DENND2D: variants seen among roughly 807,000 people sequenced by gnomAD.
The protein encoded by DENND2D is DENN domain-containing protein 2D.
A neutral mutation model predicts 59.8 loss-of-function variants in DENND2D; 37 were observed. The ratio of observed to expected loss-of-function variants is 0.62; its 90% CI spans 0.48 to 0.81. DENND2D has a LOEUF of 0.81. DENND2D is among the 40% of genes least tolerant of loss of function. The pLI, the probability that DENND2D is intolerant of heterozygous loss-of-function variation, is 0.00. For missense variants in DENND2D, 525 were observed against 579.7 expected (o/e 0.91, Z 0.97); for synonymous variants, 219 against 211.3 (o/e 1.04, Z -0.31).
At chr1:111,199,880 C>T in intron 1 of DENND2D, 82 bp from the exon 2 acceptor site, 1 of 1,530,012 alleles carries the variant, frequency 6.5e-7, no homozygotes, top group Non-Finnish European at 8.8e-7. Context: ...GGGTGACCTC[C>T]ACACCTCAAG....
At chr1:111,189,890 C>G (rs1657572687) in intron 8 of DENND2D, among the ~76,000 whole-genome samples, 1 of 152,188 alleles carries the variant, frequency 6.6e-6, no homozygotes, top group Admixed American at 6.5e-5. Context: ...TCCTGCCTCT[C>G]GTGGTGGCTC....
chr1:111,204,251 C>G, upstream of DENND2D: 1 of 1,450,224 alleles, frequency 6.9e-7, no homozygotes, highest in South Asian at 1.4e-5. Flanking sequence ...CCCGGCTCCC[C>G]GGTGCCCACG....
chr1:111,187,830 A>G, intron 11 of DENND2D, 149 bp from the exon 12 acceptor site: 1 of 766,496 alleles, frequency 1.3e-6, no homozygotes, highest in Non-Finnish European at 2.1e-6. Context: ...CTGGAGATCC[A>G]GACATTCAGT....
upstream of DENND2D, chr1:111,200,819 G>A (rs1437143791): frequency 1.3e-6 from 1 of 749,502 alleles, no homozygotes; most frequent in Non-Finnish European, 1.8e-6. Context: ...TGGGCTAAGG[G>A]TTTTGAATCT....
Position 111,198,688 on chromosome 1 carries a change from T to G in DENND2D, c.298A>C (p.Ile100Leu). The change falls in exon 3 of 12, where the codon ATC (isoleucine) becomes CTC (leucine). Residue 100 changes from isoleucine (I) to leucine (L), a missense_variant. Physicochemically the swap from Ile to Leu is conservative, Grantham distance 5. Around this residue, in one of 3 missense-constraint regions of DENND2D, gnomAD observed 253 missense variants for 246.4 expected, o/e 1.03. Coordinates refer to ENST00000357640, the MANE Select transcript of DENND2D (RefSeq NM_024901.5). ...QEEEERLLKA[I>L]PLFCFPDGNE... The stretch of plus-strand genomic sequence containing the variant: ...CCATCTGGGAAGCAGAACAAGGGGA[T>G]AGCTTTGAGCAGCCGCTCCTCCTCC... 2.5e-6 allele frequency: 4 copies of G among 1,614,172 alleles called. No individual in the cohort carries two copies. Among genetic ancestry groups the G allele is most frequent in the Non-Finnish European group, 3.4e-6 (4 of 1,180,032 alleles).
At chr1:111,189,170 G>A in intron 9 of DENND2D, 42 bp downstream of exon 9, 18 of 1,607,518 alleles carry the variant, frequency 1.1e-5, no homozygotes, top group South Asian at 4.4e-5. Context: ...GAGTGGTAGA[G>A]TTGTTGATAG....
intron 7 of DENND2D, among the ~76,000 whole-genome samples, chr1:111,193,099 A>G (rs1049641075): frequency 7.2e-5 from 11 of 152,150 alleles, no homozygotes; most frequent in African/African-American, 2.7e-4. Context: ...TTTCTCTTTT[A>G]TCCCCTGGCT....
chr1:111,192,414 TG>T, intron 7 of DENND2D, 97 bp from the exon 8 acceptor site: 1 of 1,281,304 alleles, frequency 7.8e-7, no homozygotes, highest in Non-Finnish European at 1.0e-6. Flanking sequence ...AGAGCAGTGC[TG>T]CCCATGCCCA....
Position 111,188,348 on chromosome 1 carries a change from A to C in DENND2D, c.1122T>G (p.His374Gln), listed in dbSNP as rs1336352208. The change falls in exon 11 of 12, where the codon CAT becomes CAG. Residue 374 changes from histidine (H) to glutamine (Q), a missense_variant. Physicochemically the swap from His to Gln is conservative, Grantham distance 24. This residue lies in a region of DENND2D where 225 missense variants were observed against 252.4 expected (regional missense o/e 0.89). Transcript: ENST00000357640. The part of the protein sequence containing the change: ...ELKTAEQINE[H>Q]VSGPFVQFFV... ...AGAACTGCACAAAGGGGCCTGAAACATGCTCGTTGATTTGTTCTGCAGCTG... is the reference window on the plus strand; with the variant it reads ...AGAACTGCACAAAGGGGCCTGAAACCTGCTCGTTGATTTGTTCTGCAGCTG... The C allele has an allele frequency of 6.2e-7, 1 of 1,613,722 alleles. No homozygotes were observed. Among genetic ancestry groups the C allele is most frequent in the African/African-American group, 1.3e-5 (1 of 74,892 alleles).
In DENND2D at chr1:111,199,916, T is replaced by C. The variant is rs533455582; in HGVS notation, c.68-118A>G. 27 of 1,304,810 alleles carry C rather than the reference T, an allele frequency of 2.1e-5. No homozygotes were observed. The South Asian group carries it at 3.8e-4, about 19-fold the overall frequency. 80.8% of individuals were successfully genotyped at this position (1,304,810 alleles called of 1,614,324 possible). ...GCCGCCTTGCCAATGCTGAGATACC[T>C]GGATACTGGCCAGAACCACCAGTCA... On this transcript the variant is annotated intron_variant, in intron 1 of 11. Transcript: ENST00000357640.
At chr1:111,190,028 G>A (rs1206452383) in intron 8 of DENND2D, among the ~76,000 whole-genome samples, 1 of 152,006 alleles carries the variant, frequency 6.6e-6, no homozygotes, top group Non-Finnish European at 1.5e-5. Flanking sequence ...GCCGGGTGTG[G>A]TGGCGGGCGC....
chr1:111,195,235 C>T (rs1658119099), intron 6 of DENND2D: 2 of 154,608 alleles, frequency 1.3e-5, no homozygotes, highest in South Asian at 4.0e-4. Context: ...GGACTTACAG[C>T]TCCAAAAGGT....
rs542800944 is a variant in DENND2D at position 111,189,516 on chromosome 1, T to C, written c.973-263A>G. 8.1e-4 allele frequency among the ~76,000 whole-genome samples: 123 copies of C among 152,316 alleles called. 1 individual carries two copies. Among genetic ancestry groups the C allele is most frequent in the African/African-American group, 2.8e-3 (117 of 41,568 alleles). On this transcript the variant is annotated intron_variant, in intron 8 of 11. Coordinates refer to ENST00000357640, the MANE Select transcript of DENND2D (RefSeq NM_024901.5). ...GCTAAGGTAGAAGGGAAATACAAGATGGAGAAATCACAGCCAGTCACTCCC... is the reference window on the plus strand; with the variant it reads ...GCTAAGGTAGAAGGGAAATACAAGACGGAGAAATCACAGCCAGTCACTCCC...
chr1:111,200,495 C>T lies in DENND2D; in HGVS notation c.-36G>A. On this transcript the variant is annotated 5_prime_UTR_variant, in exon 1 of 12. Coordinates refer to ENST00000357640, the MANE Select transcript of DENND2D (RefSeq NM_024901.5). ...TCAGGACAGAGCGGACTCCCCTCTC[C>T]CCTAACACAGACAGACTGGTGACAG... is the stretch of plus-strand genomic sequence containing the variant. The T allele has an allele frequency of 6.3e-7, 1 of 1,584,788 alleles. No individual in the cohort carries two copies. Among genetic ancestry groups the T allele is most frequent in the Non-Finnish European group, 8.6e-7 (1 of 1,165,188 alleles).
chr1:111,202,308 G>A (rs942924038), upstream of DENND2D: 2 of 152,130 alleles, frequency 1.3e-5, no homozygotes, highest in Non-Finnish European at 2.9e-5. Context: ...TTTGGGATGA[G>A]GCCCAAGAAA....
chr1:111,192,230 G>C lies in DENND2D; in HGVS notation c.882C>G (p.Ser294Arg). Reference protein sequence around the residue: ...AHTYIPVVPESLLATVCCPTP... With the variant: ...AHTYIPVVPERLLATVCCPTP... ...TGGGGCAGCAGACGGTGGCCAGAAG[G>C]CTCTCAGGGACAACAGGGATGTAGG... The change falls in exon 8 of 12, where the codon AGC becomes AGG. Residue 294 changes from serine (S) to arginine (R), a missense_variant. By Grantham distance (110) the Ser-to-Arg change is moderately radical (BLOSUM62 -1). Around this residue, in one of 3 missense-constraint regions of DENND2D, gnomAD observed 225 missense variants for 252.4 expected, o/e 0.89. Transcript: ENST00000357640. 3 of 1,614,030 alleles carry C rather than the reference G, an allele frequency of 1.9e-6. No homozygotes were observed. Among genetic ancestry groups the C allele is most frequent in the Non-Finnish European group, 2.5e-6 (3 of 1,179,946 alleles).
intron 7 of DENND2D, among the ~76,000 whole-genome samples, chr1:111,194,136 C>A (rs960113054): frequency 9.9e-5 from 15 of 152,238 alleles, no homozygotes; most frequent in African/African-American, 3.6e-4. Flanking sequence ...AATTCCGCAT[C>A]CCCTTCAGGT....
In DENND2D at chr1:111,198,650, T is replaced by G; in HGVS notation, c.336A>C (p.Ala112=). The G allele has an allele frequency of 6.2e-7, 1 of 1,614,044 alleles. No homozygotes were observed. Among genetic ancestry groups the G allele is most frequent in the South Asian group, 1.1e-5 (1 of 91,080 alleles). Residue 112 remains alanine (A), a synonymous_variant, in exon 3 of 12, where the codon GCA becomes GCC. Transcript: ENST00000357640. ...LFCFPDGNEW[A]SLTEYPRETF... The stretch of plus-strand genomic sequence containing the variant: ...ATTACCTGGGATACTCGGTGAGTGA[T>G]GCCCACTCATTCCCATCTGGGAAGC...
intron 7 of DENND2D, 63 bp from the exon 8 acceptor site, chr1:111,192,380 C>A: frequency 7.0e-7 from 1 of 1,438,522 alleles, no homozygotes; most frequent in Non-Finnish European, 9.2e-7. Context: ...ACACACCCCT[C>A]ATCGCCCACC....
Sources: gnomAD v4.1 joint callset for allele counts (sites outside exome capture counted in the v4.1 genomes callset) on GRCh38, gnomAD v4.1.1 for gene constraint, gnomAD v4.1.1 regional missense constraint, MANE v1.5 for transcripts, NCBI Gene and HGNC (gene_info 2026-07-23, HGNC 2026-07-21) for gene names.